Variants in SORCS1 observed in about 807,000 individuals in gnomAD.
SORCS1 encodes sortilin related VPS10 domain containing receptor 1.
A neutral mutation model predicts 146.1 loss-of-function variants in SORCS1; 60 were observed. The observed-to-expected ratio is 0.41, with a 90% CI of 0.33 to 0.51. SORCS1 has a LOEUF of 0.51. Ranked by LOEUF, SORCS1 falls within the 20% of genes least tolerant of loss-of-function variation. SORCS1 has a pLI of 0.21. For missense variants in SORCS1, 1,352 were observed against 1,487.6 expected (o/e 0.91, Z 1.50); for synonymous variants, 637 against 584.0 (o/e 1.09, Z -1.31).
Position 106,667,707 on chromosome 10 carries a change from C to T in SORCS1, c.2285G>A (p.Ser762Asn), listed in dbSNP as rs767543347. 9.3e-6 allele frequency: 15 copies of T among 1,613,868 alleles called. No homozygotes were observed. Among genetic ancestry groups the T allele is most frequent in the South Asian group, 7.7e-5 (7 of 90,990 alleles). Reference sequence around the variant, plus strand: ...CACTTACCCAGTACTATTGAGGTAACTCTGTCCCAAGCTGCAATCCTTTGA... The same window carrying T: ...CACTTACCCAGTACTATTGAGGTAATTCTGTCCCAAGCTGCAATCCTTTGA... ...SLSKDCSLGQ[S>N]YLNSTGYRKV... Residue 762 changes from serine to asparagine, a missense_variant, in exon 17 of 26, where the codon AGT becomes AAT. Coordinates refer to ENST00000263054, the MANE Select transcript of SORCS1 (RefSeq NM_052918.5).
chr10:106,709,987 A>G (rs1854853383), intron 6 of SORCS1, among the ~76,000 whole-genome samples: 1 of 152,076 alleles, frequency 6.6e-6, no homozygotes, highest in African/African-American at 2.4e-5. Context: ...AATACTTGGG[A>G]TTTCATGGTC....
intron 1 of SORCS1, among the ~76,000 whole-genome samples, chr10:107,072,032 C>T (rs1034357851): frequency 1.3e-5 from 2 of 152,176 alleles, no homozygotes; most frequent in Non-Finnish European, 2.9e-5. Flanking sequence ...GCAATTTGTT[C>T]CTGGAGTGTT....
chr10:106,613,964 C>A (rs561039391), intron 21 of SORCS1, among the ~76,000 whole-genome samples: 1 of 152,202 alleles, frequency 6.6e-6, no homozygotes, highest in South Asian at 2.1e-4. Context: ...AACCACCCAA[C>A]CTCAGGTAGC....
At chr10:107,013,909 T>C (rs1302152167) in intron 1 of SORCS1, among the ~76,000 whole-genome samples, 2 of 152,076 alleles carry the variant, frequency 1.3e-5, no homozygotes, top group Non-Finnish European at 2.9e-5. Context: ...AATCTCTAGA[T>C]TGCCACAGAG....
At chr10:106,796,967 C>T (rs1211361595) in intron 3 of SORCS1, among the ~76,000 whole-genome samples, 2 of 152,062 alleles carry the variant, frequency 1.3e-5, no homozygotes, top group African/African-American at 2.4e-5. Context: ...GTTAGCCGGG[C>T]GTGGTGGCGG....
chr10:106,843,258 C>A (rs924593995), intron 2 of SORCS1, among the ~76,000 whole-genome samples: 2 of 152,062 alleles, frequency 1.3e-5, no homozygotes, highest in Non-Finnish European at 2.9e-5. Flanking sequence ...TTTCTCCCAA[C>A]CCCCAGCCAC....
At chr10:106,717,651 A>T (rs1855472422) in intron 6 of SORCS1, among the ~76,000 whole-genome samples, 1 of 152,244 alleles carries the variant, frequency 6.6e-6, no homozygotes, top group African/African-American at 2.4e-5. Context: ...GCATGAAACT[A>T]AAAACTGGGA....
At chr10:106,612,519 C>T (rs926590322) in intron 21 of SORCS1, among the ~76,000 whole-genome samples, 3 of 151,004 alleles carry the variant, frequency 2.0e-5, no homozygotes, top group South Asian at 2.1e-4. Flanking sequence ...AGGGAAAAAA[C>T]TGGCCCTCTC....
Position 107,164,609 on chromosome 10 carries a change from G to T in SORCS1, c.-83C>A. The T allele has an allele frequency of 8.7e-7, 1 of 1,153,428 alleles. No individual in the cohort carries two copies. Among genetic ancestry groups the T allele is most frequent in the Non-Finnish European group, 1.1e-6 (1 of 896,504 alleles). 71.4% of individuals were successfully genotyped at this position (1,153,428 alleles called of 1,614,324 possible). A position where few individuals can be genotyped will look rare whatever the true frequency, so the allele number is the denominator to read the frequency against. ...TCTGCGCTGGCGGCTGTGGGGGGCC[G>T]GCGCTCAGGACCCCAACTCCATCCA... is the stretch of plus-strand genomic sequence containing the variant. On this transcript the variant is annotated 5_prime_UTR_variant, in exon 1 of 26. Coordinates refer to ENST00000263054, the MANE Select transcript of SORCS1 (RefSeq NM_052918.5). The surrounding 1 kb of genome is among the most constrained non-coding windows in gnomAD (Gnocchi z 6.8).
At chr10:106,694,532 C>T (rs568688912) in intron 9 of SORCS1, among the ~76,000 whole-genome samples, 7 of 152,296 alleles carry the variant, frequency 4.6e-5, no homozygotes, top group African/African-American at 1.7e-4. Flanking sequence ...CAAGCATGAG[C>T]CACTGCACCT....
intron 17 of SORCS1, among the ~76,000 whole-genome samples, chr10:106,658,565 A>G (rs530103490): frequency 1.4e-4 from 22 of 152,312 alleles, no homozygotes; most frequent in African/African-American, 5.1e-4. Flanking sequence ...CCTTGTTACA[A>G]TGACACTAGG....
chr10:107,097,715 G>C (rs541263297), intron 1 of SORCS1, among the ~76,000 whole-genome samples: 1 of 152,302 alleles, frequency 6.6e-6, no homozygotes, highest in Admixed American at 6.5e-5. Context: ...CAAACTCTCA[G>C]CCTCTTTAGG....
chr10:106,730,832 T>C (rs991372813), intron 5 of SORCS1, among the ~76,000 whole-genome samples: 2 of 152,224 alleles, frequency 1.3e-5, no homozygotes, highest in African/African-American at 2.4e-5. Context: ...AGGATTTTTA[T>C]ACAATGAGAT....
At chr10:107,006,134 T>C (rs1174892991) in intron 1 of SORCS1, among the ~76,000 whole-genome samples, 3 of 152,226 alleles carry the variant, frequency 2.0e-5, no homozygotes, top group Non-Finnish European at 4.4e-5. Context: ...CTCATTTATG[T>C]ACTCAATACA....
At chr10:106,987,573 C>T (rs994731878) in intron 1 of SORCS1, among the ~76,000 whole-genome samples, 3 of 152,210 alleles carry the variant, frequency 2.0e-5, no homozygotes, top group African/African-American at 7.2e-5. Context: ...GCCTTACGGA[C>T]CGGGCAGTGC....
chr10:106,795,159 G>GA (rs1352487639), intron 3 of SORCS1, among the ~76,000 whole-genome samples: 1 of 152,220 alleles, frequency 6.6e-6, no homozygotes, highest in Non-Finnish European at 1.5e-5. Context: ...AAATTTGGGG[G>GA]ATACCAGAAT....
chr10:107,026,702 G>A (rs1210339556), intron 1 of SORCS1, among the ~76,000 whole-genome samples: 1 of 152,008 alleles, frequency 6.6e-6, no homozygotes, highest in Non-Finnish European at 1.5e-5. Context: ...AGGAGAGCAA[G>A]TGTCATGGGG....
intron 2 of SORCS1, among the ~76,000 whole-genome samples, chr10:106,933,805 C>A (rs1299360115): frequency 6.6e-6 from 1 of 152,308 alleles, no homozygotes; most frequent in South Asian, 2.1e-4. Context: ...CTATGAAAAA[C>A]ATTTTTGGCT....
At chr10:106,643,164 C>T (rs1470085392) in intron 18 of SORCS1, among the ~76,000 whole-genome samples, 1 of 152,238 alleles carries the variant, frequency 6.6e-6, no homozygotes, top group Non-Finnish European at 1.5e-5. Context: ...AGGTAAGTTA[C>T]TTGCCTTTCT....
Sources: gnomAD v4.1 joint callset for allele counts (sites outside exome capture counted in the v4.1 genomes callset) on GRCh38, gnomAD v4.1.1 for gene constraint, Gnocchi (gnomAD v3.1) non-coding constraint, MANE v1.5 for transcripts, NCBI Gene and HGNC (gene_info 2026-07-23, HGNC 2026-07-21) for gene names.